The following ZNF808 variants were observed in gnomAD, a reference collection of about 807,000 sequenced individuals.
The protein encoded by ZNF808 is zinc finger protein 808.
A neutral mutation model predicts 8.7 loss-of-function variants in ZNF808; 5 were observed. That is an observed-to-expected ratio of 0.58 (90% CI 0.30 to 1.21). ZNF808 has a LOEUF of 1.21. ZNF808 is among the 50% of genes most tolerant of loss of function. The pLI, the probability that ZNF808 is intolerant of heterozygous loss-of-function variation, is 0.07. For missense variants in ZNF808, 1,103 were observed against 1,098.4 expected (o/e 1.00, Z -0.06); for synonymous variants, 380 against 366.0 (o/e 1.04, Z -0.44).
In ZNF808 at chr19:52,555,292, A is replaced by G. The variant is rs188700060; in HGVS notation, c.2376A>G (p.Lys792=). Residue 792 remains lysine, a synonymous_variant, in exon 5 of 5, where the codon AAA becomes AAG. Coordinates refer to ENST00000359798, the MANE Select transcript of ZNF808 (RefSeq NM_001039886.4). ...TTCATACTGGAGAGAAATCTTACAA[A>G]TGTACGGTTTGTGACAAGGCTTTCG... The part of the protein sequence containing the change: ...RRLHTGEKSY[K]CTVCDKAFVR... 1.2e-6 allele frequency: 2 copies of G among 1,614,130 alleles called. No homozygotes were observed. Among genetic ancestry groups the G allele is most frequent in the East Asian group, 2.2e-5 (1 of 44,876 alleles).
chr19:52,539,249 A>T (rs1366293229), intron 2 of ZNF808, among the ~76,000 whole-genome samples: 2 of 130,246 alleles, frequency 1.5e-5, no homozygotes, highest in African/African-American at 6.0e-5. Context: ...GCTGGAGTGG[A>T]GTGGAGCAGT....
At position 52,555,934 on chromosome 19, in the gene ZNF808, G is replaced by A; in HGVS notation, c.*306G>A. The A allele has an allele frequency of 1.5e-6, 1 of 662,274 alleles. No individual in the cohort carries two copies. 41.0% of individuals were successfully genotyped at this position (662,274 alleles called of 1,614,324 possible). ...CATTCACACCTCGTTGGACATCAGAGAATCCATACTGGACAGAAATCTTGC... is the reference window on the plus strand; with the variant it reads ...CATTCACACCTCGTTGGACATCAGAAAATCCATACTGGACAGAAATCTTGC... On this transcript the variant is annotated 3_prime_UTR_variant, in exon 5 of 5. Transcript: ENST00000359798.
chr19:52,554,259 T>A lies in ZNF808; in HGVS notation c.1343T>A (p.Ile448Asn). Residue 448 changes from isoleucine to asparagine, a missense_variant, in exon 5 of 5, where the codon ATT becomes AAT. Coordinates refer to ENST00000359798, the MANE Select transcript of ZNF808 (RefSeq NM_001039886.4). ...TCAACCCTTGAGAGACATAAGAGAA[T>A]TCATACTGGAGAGAAACCATACAAA... is the stretch of plus-strand genomic sequence containing the variant. The part of the protein sequence containing the change: ...QKSTLERHKR[I>N]HTGEKPYKCK... The A allele has an allele frequency of 6.2e-7, 1 of 1,614,016 alleles. No homozygotes were observed. The highest frequency in any genetic ancestry group is 1.3e-5 in the African/African-American group (1 of 75,004).
chr19:52,537,412 T>C (rs986633904), intron 2 of ZNF808, among the ~76,000 whole-genome samples: 14 of 151,400 alleles, frequency 9.2e-5, no homozygotes, highest in African/African-American at 2.4e-4. Context: ...AGGGGCCAGG[T>C]GCAGTGGCTC....
At chr19:52,557,064 G>A (rs1446307403), downstream of ZNF808, among the ~76,000 whole-genome samples, 8 of 151,966 alleles carry the variant, frequency 5.3e-5, no homozygotes, top group South Asian at 2.1e-4. Context: ...TCTGCCTCCC[G>A]GCATCAAGTG....
chr19:52,539,059 G>GGGAGAGAAGTA (rs1459321983), intron 2 of ZNF808, among the ~76,000 whole-genome samples: 222 of 152,226 alleles, frequency 1.5e-3, no homozygotes, highest in African/African-American at 5.2e-3. Context: ...TCGGGAGTGG[G>GGGAGAGAAGTA]GGAGAGAAGT....
At chr19:52,536,785 A>G (rs2059616451) in intron 2 of ZNF808, among the ~76,000 whole-genome samples, 1 of 152,166 alleles carries the variant, frequency 6.6e-6, no homozygotes, top group South Asian at 2.1e-4. Context: ...GGGGGGCGTA[A>G]CAGGGAAGAG....
At chr19:52,536,179 C>T (rs1300237405) in intron 2 of ZNF808, 1 of 152,558 alleles carries the variant, frequency 6.6e-6, no homozygotes, top group African/African-American at 2.4e-5. Context: ...TTGAGATGTC[C>T]CCGTAAGAGT....
Position 52,554,902 on chromosome 19 carries a change from C to G in ZNF808, c.1986C>G (p.Tyr662Ter). 1.2e-6 allele frequency: 2 copies of G among 1,614,146 alleles called. No individual in the cohort carries two copies. Among genetic ancestry groups the G allele is most frequent in the Non-Finnish European group, 1.7e-6 (2 of 1,180,000 alleles). ...ATGAGTGTGGGAAGACCTTCAGTTA[C>G]AAGTCATCACTTGTATGGCATCGTA... is the stretch of plus-strand genomic sequence containing the variant. The part of the protein sequence containing the change: ...KCNECGKTFS[Y>*]KSSLVWHRRL... Residue 662 changes from tyrosine (Y) to a stop codon, truncating the protein, a stop_gained, in exon 5 of 5, where the codon TAC (tyrosine) becomes TAG (stop). Transcript: ENST00000359798. LOFTEE classifies it low-confidence loss of function (END_TRUNC).
downstream of ZNF808, chr19:52,556,517 G>A (rs977283508): frequency 1.6e-4 from 24 of 152,114 alleles, no homozygotes; most frequent in African/African-American, 5.3e-4. Flanking sequence ...TAGTAGAGAC[G>A]GGGTTTCTCC....
chr19:52,529,173 C>G (rs867819547), intron 1 of ZNF808, among the ~76,000 whole-genome samples: 48 of 150,124 alleles, frequency 3.2e-4, no homozygotes, highest in Admixed American at 1.5e-3. Flanking sequence ...TCTAGGAGTT[C>G]GAGACCAGCC....
chr19:52,558,300 G>A (rs2059845537), downstream of ZNF808, among the ~76,000 whole-genome samples: 1 of 151,444 alleles, frequency 6.6e-6, no homozygotes, highest in South Asian at 2.1e-4. Context: ...CTGACCTCGT[G>A]ATCCGCCTGC....
At chr19:52,549,238 A>G (rs761339079) in intron 4 of ZNF808, among the ~76,000 whole-genome samples, 3 of 151,966 alleles carry the variant, frequency 2.0e-5, no homozygotes, top group Non-Finnish European at 2.9e-5. Context: ...CATCCTCCCA[A>G]TGTGCTGGTA....
downstream of ZNF808, among the ~76,000 whole-genome samples, chr19:52,560,460 C>T (rs2059852777): frequency 6.6e-6 from 1 of 152,186 alleles, no homozygotes; most frequent in African/African-American, 2.4e-5. Context: ...TCTTCACATC[C>T]ATGGTCTCTA....
At chr19:52,563,166 T>C in intron 3 of ZNF808, among the ~76,000 whole-genome samples, 1 of 152,192 alleles carries the variant, frequency 6.6e-6, no homozygotes, top group East Asian at 1.9e-4. Flanking sequence ...GTTCTTATAG[T>C]GTGTGCTGGT....
chr19:52,542,961 G>T (rs545533111), intron 2 of ZNF808, among the ~76,000 whole-genome samples: 3 of 68,096 alleles, frequency 4.4e-5, no homozygotes, highest in South Asian at 4.6e-4. Flanking sequence ...TTTTTTTTGG[G>T]GGGGGGGTGG....
At chr19:52,568,689 G>A (rs1373412542), downstream of ZNF808, among the ~76,000 whole-genome samples, 1 of 152,188 alleles carries the variant, frequency 6.6e-6, no homozygotes, top group Admixed American at 6.5e-5. Flanking sequence ...TTCATTTGGA[G>A]TTGAGGTTTC....
At chr19:52,541,823 G>A (rs2059673470) in intron 2 of ZNF808, among the ~76,000 whole-genome samples, 1 of 152,078 alleles carries the variant, frequency 6.6e-6, no homozygotes, top group South Asian at 2.1e-4. Context: ...CTACAATCCT[G>A]TGTCCAGTTG....
chr19:52,546,446 A>C (rs1227581310), intron 3 of ZNF808, among the ~76,000 whole-genome samples: 1 of 151,982 alleles, frequency 6.6e-6, no homozygotes, highest in Non-Finnish European at 1.5e-5. Flanking sequence ...TGGCCTCCCA[A>C]AGTGCTGGGA....
Sources: gnomAD v4.1 joint callset for allele counts (sites outside exome capture counted in the v4.1 genomes callset) on GRCh38, gnomAD v4.1.1 for gene constraint, MANE v1.5 for transcripts, NCBI Gene and HGNC (gene_info 2026-07-23, HGNC 2026-07-21) for gene names.